SGCG: variants seen among roughly 807,000 people sequenced by gnomAD.
SGCG encodes the protein gamma-sarcoglycan.
SGCG carries 26 observed loss-of-function variants against 29.3 expected under a neutral mutation model. The observed-to-expected ratio is 0.89, with a 90% CI of 0.65 to 1.23. The LOEUF (loss-of-function observed/expected upper bound fraction) is 1.23, where lower values mean the gene tolerates loss of function less well. Ranked by LOEUF, SGCG falls within the 50% of genes most tolerant of loss-of-function variation. The pLI is 0.00. For missense variants in SGCG, 353 were observed against 356.0 expected, an observed-to-expected ratio of 0.99 and a Z score of 0.07; for synonymous variants, 145 against 129.7, an observed-to-expected ratio of 1.12 and a Z score of -0.80.
intron 2 of SGCG, among the ~76,000 whole-genome samples, chr13:23,209,433 A>G (rs1878110363): frequency 6.6e-6 from 1 of 152,216 alleles, no homozygotes; most frequent in Non-Finnish European, 1.5e-5. Flanking sequence ...TCATTAAACA[A>G]TTAGTGATTA....
chr13:23,324,036 A>G (rs1313205258), intron 7 of SGCG, among the ~76,000 whole-genome samples: 1 of 152,198 alleles, frequency 6.6e-6, no homozygotes, highest in Non-Finnish European at 1.5e-5. Context: ...CAAAACTGAA[A>G]AGCAACCCAG....
chr13:23,243,173 C>T (rs921412733), intron 3 of SGCG, among the ~76,000 whole-genome samples: 29 of 152,124 alleles, frequency 1.9e-4, no homozygotes, highest in African/African-American at 6.8e-4. Flanking sequence ...CCCAGCTAGC[C>T]GTGGCATAAA....
At chr13:23,265,514 G>C (rs1880604419) in intron 4 of SGCG, among the ~76,000 whole-genome samples, 1 of 152,132 alleles carries the variant, frequency 6.6e-6, no homozygotes, top group Non-Finnish European at 1.5e-5. Flanking sequence ...GGAGGTGGAG[G>C]TTGCAGTGAG....
At chr13:23,240,783 A>G (rs1010853114) in intron 3 of SGCG, among the ~76,000 whole-genome samples, 3 of 152,224 alleles carry the variant, frequency 2.0e-5, no homozygotes, top group South Asian at 4.1e-4. Context: ...TAAGAAAACA[A>G]TAACATTAAA....
chr13:23,298,363 A>AG (rs966340398), intron 6 of SGCG, among the ~76,000 whole-genome samples: 2 of 151,968 alleles, frequency 1.3e-5, no homozygotes, highest in East Asian at 3.9e-4. Flanking sequence ...CTTTTTATCA[A>AG]GGGAAAAAAA....
intron 1 of SGCG, among the ~76,000 whole-genome samples, chr13:23,199,102 C>T (rs1351815574): frequency 5.3e-5 from 5 of 94,410 alleles, no homozygotes; most frequent in East Asian, 3.3e-4. Flanking sequence ...AGTGAGACTC[C>T]GTCTCAAAAA....
chr13:23,220,590 T>C lies in SGCG; in HGVS notation c.196-14021T>C, dbSNP rs1265925539. On this transcript the variant is annotated intron_variant, in intron 2 of 7. Transcript: ENST00000218867. ...TCTGGGAAATAGCAATTTCATTAAA[T>C]GAAATATAAGCTCAATAAATAAATT... 2.6e-5 allele frequency among the ~76,000 whole-genome samples: 4 copies of C among 152,220 alleles called. No homozygotes were observed. In the South Asian group the frequency reaches 6.2e-4, roughly 24 times the overall value.
At chr13:23,283,721 A>G (rs146295871) in intron 5 of SGCG, among the ~76,000 whole-genome samples, 4 of 152,292 alleles carry the variant, frequency 2.6e-5, no homozygotes, top group Admixed American at 1.3e-4. Flanking sequence ...AATGGTCTTT[A>G]CAATTTGGTA....
intron 5 of SGCG, among the ~76,000 whole-genome samples, chr13:23,292,119 C>CTTTTT (rs71100167): frequency 6.8e-5 from 10 of 147,548 alleles, no homozygotes; most frequent in Admixed American, 1.3e-4. Context: ...ACATTTCTTT[C>CTTTTT]TTTTTTTTGA....
intron 5 of SGCG, among the ~76,000 whole-genome samples, chr13:23,291,072 T>A (rs1566033886): frequency 6.6e-6 from 1 of 152,222 alleles, no homozygotes; most frequent in Non-Finnish European, 1.5e-5. Flanking sequence ...AAGGGAAGAA[T>A]GGTGTTGTTT....
intron 6 of SGCG, among the ~76,000 whole-genome samples, chr13:23,302,775 A>T (rs548301977): frequency 1.3e-5 from 2 of 152,328 alleles, no homozygotes; most frequent in East Asian, 3.9e-4. Context: ...TATTTGATAG[A>T]TCTGCTAATA....
At chr13:23,315,485 C>T (rs1882771314) in intron 6 of SGCG, among the ~76,000 whole-genome samples, 1 of 152,200 alleles carries the variant, frequency 6.6e-6, no homozygotes, top group African/African-American at 2.4e-5. Context: ...CCAATGGCCT[C>T]ATGGGGAGTT....
chr13:23,292,115 C>CTTTTT (rs1165635359), intron 5 of SGCG, among the ~76,000 whole-genome samples: 1 of 126,570 alleles, frequency 7.9e-6, no homozygotes, highest in Non-Finnish European at 1.7e-5. Flanking sequence ...CATAACATTT[C>CTTTTT]TTTCTTTTTT....
intron 2 of SGCG, among the ~76,000 whole-genome samples, chr13:23,232,277 C>T (rs1052074403): frequency 1.3e-5 from 2 of 152,138 alleles, no homozygotes; most frequent in Non-Finnish European, 1.5e-5. Context: ...GGCATAATCA[C>T]ATATTTAATT....
Position 23,201,007 on chromosome 13 carries a change from T to C in SGCG, c.1-2688T>C, listed in dbSNP as rs563216330. 7.6e-3 allele frequency among the ~76,000 whole-genome samples: 1,152 copies of C among 152,230 alleles called. 8 individuals carry two copies. The highest frequency in any genetic ancestry group is 0.012 in the Non-Finnish European group (807 of 68,008). ...TGAAATGGGAAGCCACGGGAAGGTT[T>C]GTTGCAGAGGTGGGGCATGAGCCGA... On this transcript the variant is annotated intron_variant, in intron 1 of 7. Coordinates refer to ENST00000218867, the MANE Select transcript of SGCG (RefSeq NM_000231.3).
At chr13:23,194,781 C>G (rs1392990347) in intron 1 of SGCG, among the ~76,000 whole-genome samples, 1 of 152,136 alleles carries the variant, frequency 6.6e-6, no homozygotes, top group Non-Finnish European at 1.5e-5. Context: ...GATAGCTGGA[C>G]CACAACCGTG....
At chr13:23,276,573 C>T (rs919918588) in intron 4 of SGCG, among the ~76,000 whole-genome samples, 1 of 151,864 alleles carries the variant, frequency 6.6e-6, no homozygotes, top group Non-Finnish European at 1.5e-5. Flanking sequence ...GCTGGGACTA[C>T]AGGCGCACGC....
chr13:23,308,613 G>T (rs1475323513), intron 6 of SGCG, among the ~76,000 whole-genome samples: 1 of 151,850 alleles, frequency 6.6e-6, no homozygotes, highest in Non-Finnish European at 1.5e-5. Flanking sequence ...CATCCAGGCT[G>T]GAGTGCAATG....
intron 1 of SGCG, among the ~76,000 whole-genome samples, chr13:23,196,276 C>A (rs57424611): frequency 6.6e-6 from 1 of 152,196 alleles, no homozygotes; most frequent in East Asian, 1.9e-4. Flanking sequence ...GGCACAAATT[C>A]TAGTTTTTGT....
Sources: allele counts gnomAD v4.1 joint callset (sites outside exome capture counted in the v4.1 genomes callset), GRCh38; gene constraint gnomAD v4.1.1; transcripts MANE v1.5; gene names NCBI Gene and HGNC (gene_info 2026-07-23, HGNC 2026-07-21).